CHST11: variants seen among roughly 807,000 people sequenced by gnomAD.
The protein encoded by CHST11 is C4S-1.
Under a neutral mutation model 30.4 loss-of-function variants are expected in CHST11, and 9 were observed. That is an observed-to-expected ratio of 0.30 (90% CI 0.18 to 0.52). CHST11 has a LOEUF of 0.52. Ranked by LOEUF, CHST11 falls within the 20% of genes least tolerant of loss-of-function variation. The pLI is 0.97. For synonymous variants in CHST11, 152 were observed against 187.8 expected, an observed-to-expected ratio of 0.81 and a Z score of 1.56; for missense variants, 348 against 460.6, an observed-to-expected ratio of 0.76 and a Z score of 2.24.
intron 2 of CHST11, among the ~76,000 whole-genome samples, chr12:104,677,690 G>C (rs538007979): frequency 6.6e-6 from 1 of 152,374 alleles, no homozygotes; most frequent in South Asian, 2.1e-4. Flanking sequence ...CAGATTCACG[G>C]AAGTTCAAAT....
chr12:104,524,642 TCATCCACCCATCCATCCATCCATC>T lies in CHST11; in HGVS notation c.118+67139_118+67162del, dbSNP rs2038106778. ...CTCATCCATCCGTCCGTCCATCCAT[TCATCCACCCATCCATCCATCCATC>T]CATCCACCCATCCATCCATCCATCC... On this transcript the variant is annotated intron_variant, in intron 1 of 2. Coordinates refer to ENST00000303694, the MANE Select transcript of CHST11 (RefSeq NM_018413.6). 2.0e-5 allele frequency among the ~76,000 whole-genome samples: 3 copies of T among 151,860 alleles called. No individual in the cohort carries two copies. In the South Asian group the frequency reaches 6.2e-4, roughly 32 times the overall value.
intron 2 of CHST11, among the ~76,000 whole-genome samples, chr12:104,634,678 G>A (rs2039306192): frequency 6.6e-6 from 1 of 152,162 alleles, no homozygotes; most frequent in African/African-American, 2.4e-5. Context: ...TACTTGCCCT[G>A]AGGCACCTCT....
intron 2 of CHST11, among the ~76,000 whole-genome samples, chr12:104,636,548 A>C (rs2136071481): frequency 6.6e-6 from 1 of 152,076 alleles, no homozygotes; most frequent in Middle Eastern, 3.4e-3. Flanking sequence ...AAGAAGGAAC[A>C]CCCCTTTTAT....
intron 2 of CHST11, among the ~76,000 whole-genome samples, chr12:104,738,202 C>T (rs1055460573): frequency 3.3e-5 from 5 of 152,134 alleles, no homozygotes; most frequent in African/African-American, 1.2e-4. Context: ...ACCGGCCTGC[C>T]CTGTCATTTT....
chr12:104,461,522 TG>T (rs2037407706), intron 1 of CHST11, among the ~76,000 whole-genome samples: 1 of 152,234 alleles, frequency 6.6e-6, no homozygotes, highest in Non-Finnish European at 1.5e-5. Flanking sequence ...CAGGCTGCAT[TG>T]GCACAGAGTG....
At chr12:104,682,227 T>C (rs1290355749) in intron 2 of CHST11, among the ~76,000 whole-genome samples, 1 of 152,212 alleles carries the variant, frequency 6.6e-6, no homozygotes, top group Non-Finnish European at 1.5e-5. Flanking sequence ...GTATATATGT[T>C]GTACAGCACT....
At chr12:104,550,950 C>T (rs888119370) in intron 1 of CHST11, among the ~76,000 whole-genome samples, 35 of 152,218 alleles carry the variant, frequency 2.3e-4, no homozygotes, top group African/African-American at 7.9e-4. Flanking sequence ...TAAATCCTCA[C>T]GTCTGTAATT....
rs528097242 is a variant in CHST11, at chr12:104,676,251, G to A, written c.204+74260G>A. Among the ~76,000 whole-genome samples, 3 of 152,162 alleles carry A rather than the reference G, an allele frequency of 2.0e-5. No homozygotes were observed. The highest frequency in any genetic ancestry group is 4.4e-5 in the Non-Finnish European group (3 of 68,032). ...GTCAGGAGTCTGAAATGGGTCTCCTGGGGCAAGAATCAAGGTGTCCGCAGA... is the reference window on the plus strand; with the variant it reads ...GTCAGGAGTCTGAAATGGGTCTCCTAGGGCAAGAATCAAGGTGTCCGCAGA... On this transcript the variant is annotated intron_variant, in intron 2 of 2. Coordinates refer to ENST00000303694, the MANE Select transcript of CHST11 (RefSeq NM_018413.6). The surrounding 1 kb of genome is among the most constrained non-coding windows in gnomAD (Gnocchi z 4.4).
chr12:104,743,113 G>A (rs988553182), intron 2 of CHST11, among the ~76,000 whole-genome samples: 4 of 152,236 alleles, frequency 2.6e-5, no homozygotes, highest in Non-Finnish European at 4.4e-5. Context: ...AGTGTCCACC[G>A]TATGTGAAGC....
At chr12:104,492,799 C>T (rs1456179641) in intron 1 of CHST11, among the ~76,000 whole-genome samples, 3 of 152,114 alleles carry the variant, frequency 2.0e-5, no homozygotes, top group South Asian at 4.1e-4. Context: ...TTTGGGAGAC[C>T]GAGGCGGGCA....
intron 2 of CHST11, among the ~76,000 whole-genome samples, chr12:104,666,125 CTT>C (rs1420994680): frequency 1.3e-5 from 2 of 152,044 alleles, no homozygotes; most frequent in Non-Finnish European, 2.9e-5. Flanking sequence ...GCCTCTTTCT[CTT>C]TTAATCTTAT....
intron 1 of CHST11, among the ~76,000 whole-genome samples, chr12:104,585,345 A>G (rs146898875): frequency 8.3e-4 from 127 of 152,302 alleles, no homozygotes; most frequent in Middle Eastern, 3.4e-3. Flanking sequence ...GATTTGTGAA[A>G]TAATTGTGTG....
chr12:104,696,044 C>T (rs77056427), intron 2 of CHST11, among the ~76,000 whole-genome samples: 3,881 of 152,214 alleles, frequency 0.025, 137 homozygotes, highest in African/African-American at 0.087. Flanking sequence ...GCTGAGCAGT[C>T]GTTCTGAGGG....
chr12:104,748,126 G>A (rs2040402916), intron 2 of CHST11, among the ~76,000 whole-genome samples: 1 of 152,212 alleles, frequency 6.6e-6, no homozygotes, highest in Admixed American at 6.5e-5. Context: ...ATACTTTTGA[G>A]AGATCAAAGC....
chr12:104,568,539 G>T (rs2038591841), intron 1 of CHST11, among the ~76,000 whole-genome samples: 1 of 152,094 alleles, frequency 6.6e-6, no homozygotes, highest in Admixed American at 6.5e-5. Flanking sequence ...TTGCTTCCTG[G>T]GACTTTGAAT....
At chr12:104,554,499 G>C (rs561213779) in intron 1 of CHST11, among the ~76,000 whole-genome samples, 2 of 152,312 alleles carry the variant, frequency 1.3e-5, no homozygotes, top group South Asian at 4.1e-4. Flanking sequence ...ATGATTCAGG[G>C]TATGTTCCTT....
chr12:104,596,784 G>C (rs1204945394), intron 1 of CHST11, among the ~76,000 whole-genome samples: 5 of 152,184 alleles, frequency 3.3e-5, no homozygotes, highest in African/African-American at 1.2e-4. Flanking sequence ...CTACGTGGTA[G>C]TTTATTTTGT....
At chr12:104,564,608 C>T (rs1479129612) in intron 1 of CHST11, among the ~76,000 whole-genome samples, 1 of 152,192 alleles carries the variant, frequency 6.6e-6, no homozygotes, top group Non-Finnish European at 1.5e-5. Flanking sequence ...AGCCTAGTTC[C>T]CTCCCAATAT....
chr12:104,593,220 C>T (rs927381777), intron 1 of CHST11, among the ~76,000 whole-genome samples: 11 of 152,140 alleles, frequency 7.2e-5, no homozygotes, highest in African/African-American at 2.7e-4. Context: ...GAGAGGCCAA[C>T]ACGGGAATGG....
Sources: allele counts gnomAD v4.1 joint callset (sites outside exome capture counted in the v4.1 genomes callset), GRCh38; gene constraint gnomAD v4.1.1; non-coding constraint Gnocchi (gnomAD v3.1); transcripts MANE v1.5; gene names NCBI Gene and HGNC (gene_info 2026-07-23, HGNC 2026-07-21).